Variants in KCNJ3 observed in about 807,000 individuals in gnomAD.
KCNJ3 encodes G protein-activated inward rectifier potassium channel 1.
KCNJ3 carries 4 observed loss-of-function variants against 39.2 expected under a neutral mutation model. The observed-to-expected ratio is 0.10, with a 90% CI of 0.05 to 0.23. The LOEUF is 0.23. KCNJ3 is among the 10% of genes least tolerant of loss of function. The probability of loss-of-function intolerance (pLI) is 1.00; values close to 1 mark genes in which losing one functional copy is unlikely to be tolerated. For missense variants in KCNJ3, 276 were observed against 634.9 expected (o/e 0.43, Z 6.08); for synonymous variants, 230 against 237.4 (o/e 0.97, Z 0.29).
chr2:154,775,741 C>A (rs1260188278), intron 2 of KCNJ3, among the ~76,000 whole-genome samples: 1 of 152,014 alleles, frequency 6.6e-6, no homozygotes, highest in Non-Finnish European at 1.5e-5. Context: ...TATAGAAGTT[C>A]TCCACTAAAG....
At position 154,716,276 on chromosome 2, in the gene KCNJ3, AT is replaced by A. The variant is rs535989708; in HGVS notation, c.919+6479del. 5.7e-3 allele frequency among the ~76,000 whole-genome samples: 662 copies of A among 115,446 alleles called. 4 individuals are homozygous for A. Among genetic ancestry groups the A allele is most frequent in the African/African-American group, 0.019 (565 of 29,994 alleles). The allele number at this position is 115,446 out of a possible 152,430, so 75.7% of individuals were successfully genotyped here. A position where few individuals can be genotyped will look rare whatever the true frequency, so the allele number is the denominator to read the frequency against. On this transcript the variant is annotated intron_variant, in intron 2 of 2. Transcript: ENST00000295101. ...AGGTGCCTGCCACCACGGCCGGCTA[AT>A]TTTTTTTTTTTTTTTTTTTTTGTAT...
intron 1 of KCNJ3, among the ~76,000 whole-genome samples, chr2:154,701,867 T>C (rs1684903571): frequency 6.6e-6 from 1 of 152,026 alleles, no homozygotes; most frequent in Non-Finnish European, 1.5e-5. Context: ...ACTAGTCAGT[T>C]AGCGTAGCTT....
chr2:154,711,271 T>C (rs1685098414), intron 2 of KCNJ3, among the ~76,000 whole-genome samples: 1 of 152,112 alleles, frequency 6.6e-6, no homozygotes, highest in South Asian at 2.1e-4. Flanking sequence ...TTTCCATTTT[T>C]ACTCATCTCA....
At chr2:154,849,570 T>C (rs1302805950) in intron 2 of KCNJ3, among the ~76,000 whole-genome samples, 2 of 152,192 alleles carry the variant, frequency 1.3e-5, no homozygotes, top group East Asian at 1.9e-4. Flanking sequence ...AGTTATTGAT[T>C]GTGTGATATT....
intron 2 of KCNJ3, among the ~76,000 whole-genome samples, chr2:154,726,834 CAT>C (rs1491433007): frequency 5.7e-4 from 80 of 139,768 alleles, no homozygotes; most frequent in African/African-American, 2.0e-3. Flanking sequence ...CACACACACA[CAT>C]ACACCATGGA....
intron 2 of KCNJ3, among the ~76,000 whole-genome samples, chr2:154,733,451 A>T (rs1685477413): frequency 6.6e-6 from 1 of 152,196 alleles, no homozygotes; most frequent in East Asian, 1.9e-4. Context: ...AAAATATAAA[A>T]TAAATTTATC....
Position 154,855,323 on chromosome 2 carries a change from C to G in KCNJ3, c.*10C>G. ...TGATCGCTTCACATAACAAAGCACT[C>G]CCTTAGGCATTATTTAATGTTTGAT... On this transcript the variant is annotated 3_prime_UTR_variant, in exon 3 of 3. Coordinates refer to ENST00000295101, the MANE Select transcript of KCNJ3 (RefSeq NM_002239.4). 6.5e-7 allele frequency: 1 copy of G among 1,528,884 alleles called. No homozygotes were observed. The highest frequency in any genetic ancestry group is 1.2e-5 in the South Asian group (1 of 84,862). The allele number at this position is 1,528,884 out of a possible 1,614,324, so 94.7% of individuals were successfully genotyped here.
intron 1 of KCNJ3, among the ~76,000 whole-genome samples, chr2:154,707,805 T>C (rs1685038516): frequency 6.6e-6 from 1 of 152,162 alleles, no homozygotes; most frequent in African/African-American, 2.4e-5. Context: ...GAGAGAACAA[T>C]GACACAAGGT....
In KCNJ3 at chr2:154,825,640, A is replaced by G. The variant is rs185049368; in HGVS notation, c.920-29087A>G. Among the ~76,000 whole-genome samples, 43 of 151,858 alleles carry G rather than the reference A, an allele frequency of 2.8e-4. 1 individual carries two copies. In the East Asian group the frequency reaches 8.2e-3, roughly 29 times the overall value. ...GCCCAGACTGGAGTGCAATGGCATG[A>G]TTACAGCTTACTGCAGCCTTGACCT... On this transcript the variant is annotated intron_variant, in intron 2 of 2. Transcript: ENST00000295101.
chr2:154,822,829 G>A (rs1574475265), intron 2 of KCNJ3, among the ~76,000 whole-genome samples: 1 of 151,860 alleles, frequency 6.6e-6, no homozygotes, highest in Non-Finnish European at 1.5e-5. Flanking sequence ...TGATATAGTA[G>A]ACAGAAATAA....
At chr2:154,774,795 A>G (rs1686303835) in intron 2 of KCNJ3, among the ~76,000 whole-genome samples, 1 of 152,242 alleles carries the variant, frequency 6.6e-6, no homozygotes. Context: ...TATAATGACA[A>G]TAACTGGGCA....
intron 2 of KCNJ3, among the ~76,000 whole-genome samples, chr2:154,820,989 G>A (rs1002419437): frequency 6.6e-6 from 1 of 152,068 alleles, no homozygotes; most frequent in African/African-American, 2.4e-5. Flanking sequence ...ATTTGTCTCT[G>A]TATCACGTCT....
intron 2 of KCNJ3, among the ~76,000 whole-genome samples, chr2:154,765,252 T>C (rs1686112762): frequency 6.6e-6 from 1 of 152,200 alleles, no homozygotes; most frequent in Admixed American, 6.5e-5. Context: ...CAAATGTTAC[T>C]TGCTTATTAA....
chr2:154,843,377 CT>C (rs1345542393), intron 2 of KCNJ3, among the ~76,000 whole-genome samples: 1 of 152,082 alleles, frequency 6.6e-6, no homozygotes, highest in African/African-American at 2.4e-5. Flanking sequence ...ACACTTTTTC[CT>C]TCATTTCAAC....
At chr2:154,823,403 ATT>A (rs1305423626) in intron 2 of KCNJ3, among the ~76,000 whole-genome samples, 3 of 86,782 alleles carry the variant, frequency 3.5e-5, no homozygotes, top group Non-Finnish European at 7.9e-5. Flanking sequence ...AACTTTCCAC[ATT>A]CTTTTTTTTT....
intron 2 of KCNJ3, among the ~76,000 whole-genome samples, chr2:154,752,569 T>C (rs550063214): frequency 1.3e-5 from 2 of 152,154 alleles, no homozygotes; most frequent in East Asian, 3.9e-4. Context: ...TTATGAAACT[T>C]TCTATGATGA....
At chr2:154,759,291 G>A (rs1685995172) in intron 2 of KCNJ3, among the ~76,000 whole-genome samples, 1 of 151,804 alleles carries the variant, frequency 6.6e-6, no homozygotes, top group Non-Finnish European at 1.5e-5. Context: ...TGTTTGGACT[G>A]AGAAGGACTC....
chr2:154,751,064 T>A (rs1685835968), intron 2 of KCNJ3, among the ~76,000 whole-genome samples: 1 of 151,944 alleles, frequency 6.6e-6, no homozygotes, highest in Non-Finnish European at 1.5e-5. Context: ...TCTCGGGTGA[T>A]GGGTGCACCA....
chr2:154,776,608 A>T (rs2105200009), intron 2 of KCNJ3, among the ~76,000 whole-genome samples: 1 of 152,292 alleles, frequency 6.6e-6, no homozygotes, highest in African/African-American at 2.4e-5. Flanking sequence ...CATTCTTTCA[A>T]TTATATGACT....
Sources: allele counts gnomAD v4.1 joint callset (sites outside exome capture counted in the v4.1 genomes callset), GRCh38; gene constraint gnomAD v4.1.1; transcripts MANE v1.5; gene names NCBI Gene and HGNC (gene_info 2026-07-23, HGNC 2026-07-21).